Variants in NAPRT observed in about 807,000 individuals in gnomAD.
NAPRT encodes nicotinate phosphoribosyltransferase.
A neutral mutation model predicts 60.7 loss-of-function variants in NAPRT; 66 were observed. The ratio of observed to expected loss-of-function variants is 1.09; its 90% CI spans 0.89 to 1.33. The LOEUF (loss-of-function observed/expected upper bound fraction) is 1.33, where lower values mean the gene tolerates loss of function less well. Ranked by LOEUF, NAPRT falls within the 40% of genes most tolerant of loss-of-function variation. The pLI, the probability that NAPRT is intolerant of heterozygous loss-of-function variation, is 0.00. For missense variants in NAPRT, 818 were observed against 731.5 expected (o/e 1.12, Z -1.36); for synonymous variants, 405 against 335.7 (o/e 1.21, Z -2.26).
Position 143,575,002 on chromosome 8 carries a change from C to A in NAPRT, c.1538G>T (p.Ser513Ile). ...RLSPEHRRLR[S>I]PAQYQVVLSE... ...CCCCCCAACCTGGTACTGTGCAGGGCTCCGCAGCCGCCTGTGCTCAGGGCT... is the reference window on the plus strand; with the variant it reads ...CCCCCCAACCTGGTACTGTGCAGGGATCCGCAGCCGCCTGTGCTCAGGGCT... The change falls in exon 12 of 13, where the codon AGC becomes ATC. Residue 513 changes from serine (S) to isoleucine (I), a missense_variant. Ser to Ile is a moderately radical substitution (Grantham distance 142). Transcript: ENST00000449291. The A allele has an allele frequency of 2.6e-6, 4 of 1,527,268 alleles. No individual in the cohort carries two copies. Among genetic ancestry groups the A allele is most frequent in the South Asian group, 1.2e-5 (1 of 80,492 alleles). The allele number at this position is 1,527,268 out of a possible 1,614,324, so 94.6% of individuals were successfully genotyped here.
intron 10 of NAPRT, 31 bp from the exon 11 acceptor site, chr8:143,575,376 C>T (rs769294649): frequency 1.8e-5 from 29 of 1,598,676 alleles, no homozygotes; most frequent in Non-Finnish European, 2.1e-5. Context: ...TAAGCGGGGG[C>T]CCTGGTGCTT....
At chr8:143,573,254 G>A (rs1463569744), downstream of NAPRT, among the ~76,000 whole-genome samples, 2 of 152,216 alleles carry the variant, frequency 1.3e-5, no homozygotes. Context: ...CAACAGGCAT[G>A]ACTGGGTGAG....
chr8:143,574,856 A>G lies in NAPRT; in HGVS notation c.1599T>C (p.Cys533=), dbSNP rs1474681441. ...CCGAGTCTCAGGGGGACTGCCCCGC[A>G]CACAGACTGTTCACCAGGGCCTGCA... The part of the protein sequence containing the change: ...ERLQALVNSL[C]AGQSP Residue 533 remains cysteine, a synonymous_variant, in exon 13 of 13, where the codon TGT becomes TGC. Coordinates refer to ENST00000449291, the MANE Select transcript of NAPRT (RefSeq NM_145201.6). The G allele has an allele frequency of 6.4e-7, 1 of 1,550,612 alleles. No individual in the cohort carries two copies. The highest frequency in any genetic ancestry group is 1.2e-5 in the South Asian group (1 of 84,070).
At chr8:143,578,026 C>T in intron 1 of NAPRT, 67 bp downstream of exon 1, 1 of 1,526,804 alleles carries the variant, frequency 6.5e-7, no homozygotes, top group Non-Finnish European at 8.8e-7. Flanking sequence ...GGGACAAGGA[C>T]TTCCACCGGC....
chr8:143,576,869 G>C, intron 5 of NAPRT, 27 bp from the exon 6 acceptor site: 1 of 1,577,076 alleles, frequency 6.3e-7, no homozygotes. Flanking sequence ...GTGAAGAATG[G>C]GGGCCAGGAA....
rs1254247043 is a variant in NAPRT, at chr8:143,575,658, G to A, written c.1152C>T (p.Thr384=). The change falls in exon 9 of 13, where the codon ACC becomes ACT. Residue 384 remains threonine, a synonymous_variant. Transcript: ENST00000449291. ...CACCCAGGGAAGGCTGTTGGGGGCA[G>A]GTGACCACACTGGTGCCAATGCCAA... ...NVIGIGTSVV[T]CPQQPSLGGV... The A allele has an allele frequency of 3.1e-6, 5 of 1,596,142 alleles. No homozygotes were observed. In the Admixed American group the frequency reaches 5.2e-5, roughly 17 times the overall value.
chr8:143,577,987 C>A, intron 1 of NAPRT, 44 bp from the exon 2 acceptor site: 4 of 1,580,354 alleles, frequency 2.5e-6, no homozygotes, highest in Non-Finnish European at 3.4e-6. Flanking sequence ...GGGGACAGAC[C>A]GGTCGTGGGA....
At chr8:143,574,378 C>A (rs1227998656), downstream of NAPRT, among the ~76,000 whole-genome samples, 1 of 152,222 alleles carries the variant, frequency 6.6e-6, no homozygotes, top group East Asian at 1.9e-4. Context: ...TGACCCTGAG[C>A]CTGGGGGGCA....
At position 143,577,764 on chromosome 8, in the gene NAPRT, C is replaced by T. The variant is rs771818867; in HGVS notation, c.355-25G>A. 1.9e-6 allele frequency: 3 copies of T among 1,563,196 alleles called. 1 individual carries two copies. Among genetic ancestry groups the T allele is most frequent in the South Asian group, 2.3e-5 (2 of 86,376 alleles). On this transcript the variant is annotated intron_variant, in intron 2 of 12. Transcript: ENST00000449291. ...CCTGCGGGGAGAGAAGTCAGCTCCG[C>T]GCTCGGCCCAGCACCCCGTGGCCGC... is the stretch of plus-strand genomic sequence containing the variant.
chr8:143,578,018 GA>G (rs1824627680), intron 1 of NAPRT, 74 bp downstream of exon 1: 4 of 1,538,570 alleles, frequency 2.6e-6, no homozygotes, highest in African/African-American at 2.7e-5. Context: ...TCCACGGGGG[GA>G]CAAGGACTTC....
Position 143,576,687 on chromosome 8 carries a change from G to A in NAPRT, c.840C>T (p.Pro280=), listed in dbSNP as rs200556654. ...AAFVAYALAF[P]RAFQGLLDTY... ...TGTCCAGGAGGCCCTGGAAGGCCCG[G>A]GGAAAAGCCAAGGCATAGGCCACAA... The change falls in exon 6 of 13, where the codon CCC becomes CCT. Residue 280 remains proline (P), a synonymous_variant. Transcript: ENST00000449291. The A allele has an allele frequency of 2.6e-5, 42 of 1,611,306 alleles. No individual in the cohort carries two copies. In the East Asian group the frequency reaches 8.9e-4, roughly 34 times the overall value.
Position 143,575,527 on chromosome 8 carries a change from T to C in NAPRT, c.1189-2A>G. 6.3e-7 allele frequency: 1 copy of C among 1,598,634 alleles called. No homozygotes were observed. Among genetic ancestry groups the C allele is most frequent in the Non-Finnish European group, 8.6e-7 (1 of 1,168,354 alleles). ...TGGCTGGCCCCCCACGGCCACCAGC[T>C]GCAGGAAGAGGGCGTTGAGCTGGCT... On this transcript the variant is annotated splice_acceptor_variant, in intron 9 of 12. Coordinates refer to ENST00000449291, the MANE Select transcript of NAPRT (RefSeq NM_145201.6). LOFTEE classifies it high-confidence loss of function.
intron 7 of NAPRT, 55 bp downstream of exon 7, chr8:143,576,377 A>G: frequency 1.9e-6 from 3 of 1,562,136 alleles, no homozygotes; most frequent in Non-Finnish European, 2.6e-6. Flanking sequence ...TTCCCTGCCC[A>G]TTCCCAAACC....
At chr8:143,575,141 C>A in intron 11 of NAPRT, 48 bp from the exon 12 acceptor site, 1 of 1,574,430 alleles carries the variant, frequency 6.4e-7, no homozygotes, top group Non-Finnish European at 8.6e-7. Flanking sequence ...AGCTCCCAGT[C>A]AGGGCTCTAC....
At position 143,578,248 on chromosome 8, in the gene NAPRT, G is replaced by A. The variant is rs1824663286; in HGVS notation, c.71C>T (p.Thr24Ile). The A allele has an allele frequency of 4.0e-6, 6 of 1,496,700 alleles. No individual in the cohort carries two copies. The highest frequency in any genetic ancestry group is 4.4e-6 in the Non-Finnish European group (5 of 1,128,280). 92.7% of individuals were successfully genotyped at this position (1,496,700 alleles called of 1,614,324 possible). Residue 24 changes from threonine (T) to isoleucine (I), a missense_variant, in exon 1 of 13, where the codon ACC (threonine) becomes ATC (isoleucine). Transcript: ENST00000449291. ...CGCGCGCCAATAGCCCAACGCCATG[G>A]TGGCCTGGTAGAGGTCAGTGAGCAG... ...RPLLTDLYQA[T>I]MALGYWRAGR...
downstream of NAPRT, among the ~76,000 whole-genome samples, chr8:143,573,315 G>A (rs560787104): frequency 2.0e-5 from 3 of 152,324 alleles, no homozygotes; most frequent in East Asian, 3.9e-4. Context: ...CCAGAGGAGC[G>A]GTGGCCCCTC....
Position 143,577,638 on chromosome 8 carries a change from C to G in NAPRT, c.437+19G>C. 6.5e-7 allele frequency: 1 copy of G among 1,535,660 alleles called. No homozygotes were observed. Among genetic ancestry groups the G allele is most frequent in the Non-Finnish European group, 8.7e-7 (1 of 1,146,352 alleles). ...GCCCATCCCATGCCCACGCTCCCTG[C>G]CAGTGGCCCGCAGCCCACCTGGCGT... On this transcript the variant is annotated intron_variant, in intron 3 of 12. Transcript: ENST00000449291.
intron 5 of NAPRT, 60 bp from the exon 6 acceptor site, chr8:143,576,902 G>T: frequency 6.5e-7 from 1 of 1,529,476 alleles, no homozygotes. Flanking sequence ...CCTGGGAGCA[G>T]CCAGGGACAC....
chr8:143,576,548 T>G lies in NAPRT; in HGVS notation c.906A>C (p.Ala302=). 6.2e-7 allele frequency: 1 copy of G among 1,611,710 alleles called. No individual in the cohort carries two copies. The highest frequency in any genetic ancestry group is 1.7e-5 in the Admixed American group (1 of 59,904). The change falls in exon 7 of 13, where the codon GCA becomes GCC. Residue 302 remains alanine, a synonymous_variant. Coordinates refer to ENST00000449291, the MANE Select transcript of NAPRT (RefSeq NM_145201.6). ...CCAGCTCTCCCAGGGCCAGGGCGAC[T>G]GCTAGGAAGTTGGGGAGACCACTCC... is the stretch of plus-strand genomic sequence containing the variant. ...VWRSGLPNFL[A]VALALGELGY...
Sources: allele counts gnomAD v4.1 joint callset (sites outside exome capture counted in the v4.1 genomes callset), GRCh38; gene constraint gnomAD v4.1.1; transcripts MANE v1.5; gene names NCBI Gene and HGNC (gene_info 2026-07-23, HGNC 2026-07-21).